The following SHB variants were observed in gnomAD, a reference collection of about 807,000 sequenced individuals.
SHB encodes SH2 domain-containing adapter protein B.
Under a neutral mutation model 52.3 loss-of-function variants are expected in SHB, and 20 were observed. The observed-to-expected ratio is 0.38, with a 90% confidence interval of 0.27 to 0.56. The LOEUF is 0.56. Ranked by LOEUF, SHB falls within the 20% of genes least tolerant of loss-of-function variation. SHB has a pLI of 0.71. For synonymous variants in SHB, 397 were observed against 316.5 expected, an observed-to-expected ratio of 1.25 and a Z score of -2.70; for missense variants, 825 against 723.3, an observed-to-expected ratio of 1.14 and a Z score of -1.61.
intron 2 of SHB, among the ~76,000 whole-genome samples, chr9:37,991,957 C>T (rs1471987521): frequency 6.6e-6 from 1 of 152,168 alleles, no homozygotes. Flanking sequence ...GTCCCAGGCT[C>T]CCACACCAGA....
At chr9:37,948,059 A>G (rs898468919) in intron 5 of SHB, among the ~76,000 whole-genome samples, 1 of 152,230 alleles carries the variant, frequency 6.6e-6, no homozygotes, top group Admixed American at 6.5e-5. Flanking sequence ...GAAAGACCTG[A>G]AAGTTTCCAA....
intron 2 of SHB, among the ~76,000 whole-genome samples, chr9:37,994,850 T>C (rs898160774): frequency 6.6e-6 from 1 of 152,172 alleles, no homozygotes; most frequent in African/African-American, 2.4e-5. Flanking sequence ...TTCAATAGCA[T>C]AAACATCTAC....
chr9:37,945,381 G>A (rs1456537636), intron 5 of SHB, among the ~76,000 whole-genome samples: 1 of 152,160 alleles, frequency 6.6e-6, no homozygotes, highest in African/African-American at 2.4e-5. Context: ...TTCATTCCAG[G>A]GCATTGCTCC....
intron 2 of SHB, among the ~76,000 whole-genome samples, chr9:38,004,696 G>A (rs1821058313): frequency 6.6e-6 from 1 of 152,220 alleles, no homozygotes; most frequent in Non-Finnish European, 1.5e-5. Context: ...AGTTGCCAGA[G>A]AGGGTAGCTT....
intron 1 of SHB, among the ~76,000 whole-genome samples, chr9:38,034,981 G>A (rs1418991100): frequency 2.6e-5 from 4 of 152,306 alleles, no homozygotes; most frequent in Non-Finnish European, 5.9e-5. Flanking sequence ...ACAGGCATGA[G>A]CCACCCCATC....
chr9:38,068,776 A>C lies in SHB; in HGVS notation c.-131T>G, dbSNP rs572922254. 237 of 225,778 alleles carry C rather than the reference A, an allele frequency of 1.0e-3. 2 individuals are homozygous for C. Among genetic ancestry groups the C allele is most frequent in the East Asian group, 8.6e-3 (49 of 5,680 alleles). 14.0% of individuals were successfully genotyped at this position (225,778 alleles called of 1,614,324 possible). A position where few individuals can be genotyped will look rare whatever the true frequency, so the allele number is the denominator to read the frequency against. On this transcript the variant is annotated 5_prime_UTR_variant, in exon 1 of 6. Transcript: ENST00000377707. ...GGGGCGTCCGGGGCGCCCGCTCCCG[A>C]CGCCAAGTTCAAGTTCTTGCCGCCG...
At chr9:37,976,239 T>A (rs1274995016) in intron 2 of SHB, among the ~76,000 whole-genome samples, 2 of 152,210 alleles carry the variant, frequency 1.3e-5, no homozygotes, top group African/African-American at 4.8e-5. Context: ...TTTTGCCATG[T>A]TGGCAAGGCT....
chr9:38,064,271 C>T (rs1821933123), intron 1 of SHB, among the ~76,000 whole-genome samples: 1 of 152,144 alleles, frequency 6.6e-6, no homozygotes, highest in African/African-American at 2.4e-5. Context: ...GGATGCCCCT[C>T]CACCATGGCT....
chr9:38,048,821 T>C (rs1194812764), intron 1 of SHB, among the ~76,000 whole-genome samples: 1 of 152,216 alleles, frequency 6.6e-6, no homozygotes, highest in Non-Finnish European at 1.5e-5. Flanking sequence ...GTTTTTGGTT[T>C]TGCCAAATGT....
intron 3 of SHB, among the ~76,000 whole-genome samples, chr9:37,971,664 T>G (rs1820591512): frequency 6.7e-6 from 1 of 150,362 alleles, no homozygotes; most frequent in Non-Finnish European, 1.5e-5. Context: ...GATGTGATTC[T>G]CTGTCTATCT....
At chr9:38,022,112 C>T (rs1304281279) in intron 1 of SHB, among the ~76,000 whole-genome samples, 2 of 152,202 alleles carry the variant, frequency 1.3e-5, no homozygotes, top group Non-Finnish European at 2.9e-5. Flanking sequence ...TAAGACTATA[C>T]ATTAATTTCC....
At chr9:38,037,749 T>TCC (rs950059688) in intron 1 of SHB, among the ~76,000 whole-genome samples, 1 of 152,146 alleles carries the variant, frequency 6.6e-6, no homozygotes, top group Non-Finnish European at 1.5e-5. Flanking sequence ...TGTCTGCTCC[T>TCC]CCATTCAGCC....
chr9:38,012,838 TATC>T (rs1415003361), intron 2 of SHB, among the ~76,000 whole-genome samples: 2 of 150,146 alleles, frequency 1.3e-5, no homozygotes, highest in East Asian at 3.9e-4. Context: ...TAAAATGTAA[TATC>T]ATCCAAAAAG....
chr9:37,927,190 G>A (rs1276394052), intron 5 of SHB, among the ~76,000 whole-genome samples: 1 of 152,198 alleles, frequency 6.6e-6, no homozygotes, highest in Non-Finnish European at 1.5e-5. Context: ...CGTGGGGCAG[G>A]GGGCATGGAG....
At chr9:38,038,738 C>T (rs747208159) in intron 1 of SHB, among the ~76,000 whole-genome samples, 92 of 152,188 alleles carry the variant, frequency 6.0e-4, no homozygotes, top group Non-Finnish European at 1.5e-4. Context: ...GCCAGCCCCG[C>T]TTCCCAGGCC....
intron 1 of SHB, among the ~76,000 whole-genome samples, chr9:38,058,637 G>A (rs917106674): frequency 3.3e-5 from 5 of 152,112 alleles, no homozygotes; most frequent in African/African-American, 1.2e-4. Context: ...CAGGGTTAGC[G>A]AGGAAGGCCT....
intron 1 of SHB, among the ~76,000 whole-genome samples, chr9:38,066,044 G>C (rs1299583545): frequency 6.6e-6 from 1 of 152,118 alleles, no homozygotes; most frequent in Non-Finnish European, 1.5e-5. Flanking sequence ...ACGCCACTAT[G>C]GCCTCTGTCA....
Position 37,992,369 on chromosome 9 carries a change from C to A in SHB, c.839-17532G>T, listed in dbSNP as rs566886845. Among the ~76,000 whole-genome samples the A allele has an allele frequency of 4.8e-3, 734 of 152,170 alleles. 8 individuals carry two copies. The highest frequency in any genetic ancestry group is 0.017 in the African/African-American group (710 of 41,506). ...TGAGCTGAGATCGCGCCATTGCATTCCACCCTGGGCAACAAGAGCGAAATT... is the reference window on the plus strand; with the variant it reads ...TGAGCTGAGATCGCGCCATTGCATTACACCCTGGGCAACAAGAGCGAAATT... On this transcript the variant is annotated intron_variant, in intron 2 of 5. Transcript: ENST00000377707.
At chr9:37,966,381 T>C (rs1045250139) in intron 3 of SHB, among the ~76,000 whole-genome samples, 1 of 152,208 alleles carries the variant, frequency 6.6e-6, no homozygotes, top group Non-Finnish European at 1.5e-5. Flanking sequence ...CTATTAAACA[T>C]TGGTGTTTTT....
Sources: gnomAD v4.1 joint callset for allele counts (sites outside exome capture counted in the v4.1 genomes callset) on GRCh38, gnomAD v4.1.1 for gene constraint, MANE v1.5 for transcripts, NCBI Gene and HGNC (gene_info 2026-07-23, HGNC 2026-07-21) for gene names.